Variants in EPB41L3 observed in about 807,000 individuals in gnomAD.
EPB41L3 encodes erythrocyte membrane protein band 4.1 like 3.
A neutral mutation model predicts 127.1 loss-of-function variants in EPB41L3; 57 were observed. The observed-to-expected ratio is 0.45, with a 90% confidence interval of 0.36 to 0.56. EPB41L3 has a LOEUF of 0.56. EPB41L3 is among the 20% of genes least tolerant of loss of function. The pLI is 0.00. For missense variants in EPB41L3, 1,273 were observed against 1,372.2 expected (o/e 0.93, Z 1.14); for synonymous variants, 572 against 549.5 (o/e 1.04, Z -0.57).
intron 3 of EPB41L3, among the ~76,000 whole-genome samples, chr18:5,603,587 T>G (rs989820488): frequency 5.3e-5 from 8 of 152,130 alleles, no homozygotes; most frequent in Admixed American, 2.6e-4. Context: ...CTGCAGGAGC[T>G]ATAAAATTTG....
At chr18:5,577,264 T>C in intron 3 of EPB41L3, 1 of 415,324 alleles carries the variant, frequency 2.4e-6, no homozygotes. Context: ...CAATGTAGAG[T>C]TATAATCACT....
intron 3 of EPB41L3, among the ~76,000 whole-genome samples, chr18:5,569,023 T>C (rs1159032464): frequency 6.6e-6 from 1 of 152,232 alleles, no homozygotes; most frequent in African/African-American, 2.4e-5. Context: ...AAAATTCCTC[T>C]TGATTACAAT....
At chr18:5,566,723 C>CATTCCATTCTATTCT (rs2094203774) in intron 3 of EPB41L3, among the ~76,000 whole-genome samples, 5 of 112,330 alleles carry the variant, frequency 4.5e-5, no homozygotes, top group African/African-American at 1.4e-4. Context: ...TTTTCTATTC[C>CATTCCATTCTATTCT]ATTCTATTCT....
chr18:5,538,930 C>G (rs2093646034), intron 1 of EPB41L3, among the ~76,000 whole-genome samples: 1 of 151,554 alleles, frequency 6.6e-6, no homozygotes, highest in Admixed American at 6.6e-5. Context: ...ATAATGACTA[C>G]ATACATGAGT....
chr18:5,437,896 C>T (rs1332286471), intron 6 of EPB41L3, 139 bp downstream of exon 6: 14 of 643,100 alleles, frequency 2.2e-5, no homozygotes, highest in Middle Eastern at 2.6e-4. Flanking sequence ...TGTTTGCTCT[C>T]GTTCATTTGC....
intron 3 of EPB41L3, among the ~76,000 whole-genome samples, chr18:5,555,762 AG>A: frequency 6.6e-6 from 1 of 152,152 alleles, no homozygotes; most frequent in Non-Finnish European, 1.5e-5. Context: ...AGAGATACAA[AG>A]GTGATGCTCT....
chr18:5,396,150 T>A (rs750713407), intron 19 of EPB41L3, 51 bp downstream of exon 19: 4 of 1,608,460 alleles, frequency 2.5e-6, no homozygotes. Context: ...CACTAGGCCA[T>A]AGAGGGGTGA....
intron 3 of EPB41L3, among the ~76,000 whole-genome samples, chr18:5,610,998 A>G (rs2094719262): frequency 6.6e-6 from 1 of 152,204 alleles, no homozygotes; most frequent in Admixed American, 6.5e-5. Context: ...CTCATCTGTC[A>G]TAAGCTTTCC....
chr18:5,575,730 G>C (rs976445823), intron 3 of EPB41L3, among the ~76,000 whole-genome samples: 1 of 152,126 alleles, frequency 6.6e-6, no homozygotes, highest in African/African-American at 2.4e-5. Context: ...CCAGCTACTT[G>C]GGAAGCTGAG....
At chr18:5,559,539 G>A (rs1183528619) in intron 3 of EPB41L3, among the ~76,000 whole-genome samples, 3 of 152,148 alleles carry the variant, frequency 2.0e-5, no homozygotes, top group Non-Finnish European at 4.4e-5. Flanking sequence ...AGCATGTCAT[G>A]GATTAATTAG....
intron 1 of EPB41L3, among the ~76,000 whole-genome samples, chr18:5,494,366 C>G (rs2090936556): frequency 6.6e-6 from 1 of 152,124 alleles, no homozygotes; most frequent in Admixed American, 6.5e-5. Flanking sequence ...TTTAAAGAAA[C>G]AGTAGAAGAG....
rs147677036 is a variant in EPB41L3 at position 5,457,764 on chromosome 18, T to C, written c.382-12520A>G. 5.3e-3 allele frequency among the ~76,000 whole-genome samples: 810 copies of C among 152,204 alleles called. 1 individual carries two copies. The highest frequency in any genetic ancestry group is 0.014 in the Middle Eastern group (4 of 294). On this transcript the variant is annotated intron_variant, in intron 3 of 22. Coordinates refer to ENST00000341928, the MANE Select transcript of EPB41L3 (RefSeq NM_012307.5). ...GCTCTCTCCTGCAAAGAGGAGACTG[T>C]ACACACACCTCCACGCCCCGAAGCC...
At chr18:5,618,307 A>G (rs2094821410) in intron 1 of EPB41L3, among the ~76,000 whole-genome samples, 2 of 152,168 alleles carry the variant, frequency 1.3e-5, no homozygotes, top group Middle Eastern at 3.4e-3. Context: ...TTCATAAACT[A>G]CTCTTTGATC....
Position 5,416,087 on chromosome 18 carries a change from G to A in EPB41L3, c.1798C>T (p.Leu600=). The change falls in exon 13 of 23, where the codon CTA becomes TTA. Residue 600 remains leucine (L), a synonymous_variant. Transcript: ENST00000341928. ...LQLPESFPSL[L]DDDGYLSFPN... The stretch of plus-strand genomic sequence containing the variant: ...AAAGAGAGGTATCCATCATCATCTA[G>A]GAGGGAGGGGAATGACTCAGGGAGC... 6.2e-7 allele frequency: 1 copy of A among 1,612,662 alleles called. No individual in the cohort carries two copies. The highest frequency in any genetic ancestry group is 8.5e-7 in the Non-Finnish European group (1 of 1,179,016).
In EPB41L3 at chr18:5,422,594, A is replaced by C. The variant is rs565865878; in HGVS notation, c.1339+784T>G. Among the ~76,000 whole-genome samples the C allele has an allele frequency of 3.3e-5, 5 of 152,372 alleles. 1 individual carries two copies. The East Asian group carries it at 9.6e-4, about 29-fold the overall frequency. ...AAATCTCCAGGTGCTCCAAATGAGAAGACAGAGACCTAGACATGATTCAGT... is the reference window on the plus strand; with the variant it reads ...AAATCTCCAGGTGCTCCAAATGAGACGACAGAGACCTAGACATGATTCAGT... On this transcript the variant is annotated intron_variant, in intron 11 of 22. Transcript: ENST00000341928.
At position 5,551,495 on chromosome 18, in the gene EPB41L3, C is replaced by T. The variant is rs140306474; in HGVS notation, c.-306+60845G>A. Among the ~76,000 whole-genome samples, 56 of 152,124 alleles carry T rather than the reference C, an allele frequency of 3.7e-4. No homozygotes were observed. In the East Asian group the frequency reaches 5.4e-3, roughly 15 times the overall value. On this transcript the variant is annotated intron_variant, in intron 3 of 21. Coordinates refer to the EPB41L3 transcript ENST00000545076. The stretch of plus-strand genomic sequence containing the variant: ...ATCCCAGCACTTTGGGAGGCCGAGG[C>T]GGGTGGATCACTTGAGCCCAGGAGT...
chr18:5,545,870 A>G (rs912912822), upstream of EPB41L3, among the ~76,000 whole-genome samples: 14 of 84,292 alleles, frequency 1.7e-4, no homozygotes, highest in African/African-American at 5.8e-4. Context: ...CACCTGTATG[A>G]CTCTGTGTGT....
rs1255166127 is a variant in EPB41L3 at position 5,392,622 on chromosome 18, A to C, written c.*863T>G. 1 of 152,662 alleles carries C rather than the reference A, an allele frequency of 6.6e-6. No individual in the cohort carries two copies. The highest frequency in any genetic ancestry group is 1.5e-5 in the Non-Finnish European group (1 of 68,046). The allele number at this position is 152,662 out of a possible 1,614,324, so 9.5% of individuals were successfully genotyped here. A position where few individuals can be genotyped will look rare whatever the true frequency, so the allele number is the denominator to read the frequency against. On this transcript the variant is annotated 3_prime_UTR_variant, in exon 23 of 23. Coordinates refer to ENST00000341928, the MANE Select transcript of EPB41L3 (RefSeq NM_012307.5). ...CTTTCTTTTCAAGTAAAAGAAGAAA[A>C]ATCAATTAAAAAATACACGGCACGG...
In EPB41L3 at chr18:5,488,379, G is replaced by A. The variant is rs569700404; in HGVS notation, c.183+622C>T. 4.2e-4 allele frequency among the ~76,000 whole-genome samples: 64 copies of A among 151,814 alleles called. No individual in the cohort carries two copies. The South Asian group carries it at 0.01, about 25-fold the overall frequency. On this transcript the variant is annotated intron_variant, in intron 2 of 22. Transcript: ENST00000341928. ...AGTCGAACAATGAGAACACATGGAC[G>A]TAGGGAGGGGAACATCACACACTGG...
Sources: gnomAD v4.1 joint callset for allele counts (sites outside exome capture counted in the v4.1 genomes callset) on GRCh38, gnomAD v4.1.1 for gene constraint, MANE v1.5 for transcripts, NCBI Gene and HGNC (gene_info 2026-07-23, HGNC 2026-07-21) for gene names.